Variants in RNF38 observed in about 807,000 individuals in gnomAD.
The protein encoded by RNF38 is E3 ubiquitin-protein ligase RNF38.
In RNF38, 15 loss-of-function variants were observed where a neutral mutation model predicts 67.2. The observed-to-expected ratio is 0.22, with a 90% CI of 0.15 to 0.34. RNF38 has a LOEUF of 0.34. Ranked by LOEUF, RNF38 falls within the 10% of genes least tolerant of loss-of-function variation. The pLI, the probability that RNF38 is intolerant of heterozygous loss-of-function variation, is 1.00. For synonymous variants in RNF38, 220 were observed against 218.8 expected (o/e 1.01, Z -0.05); for missense variants, 524 against 639.9 (o/e 0.82, Z 1.95).
intron 2 of RNF38, among the ~76,000 whole-genome samples, chr9:36,407,395 T>C (rs1838208506): frequency 6.6e-6 from 1 of 152,108 alleles, no homozygotes; most frequent in Non-Finnish European, 1.5e-5. Context: ...GGCAAGCTCA[T>C]GGTAGTGAAG....
chr9:36,451,930 T>C lies in RNF38; in HGVS notation n.242-27247A>G, dbSNP rs537952827. On this transcript the variant is annotated intron_variant and non_coding_transcript_variant, in intron 1 of 3. Coordinates refer to the RNF38 transcript ENST00000488058. ...GCAAACTTTTTTAAAAAAAAAACTTTTTAAGGCCAGGCGCGGTGGCTCACC... is the reference window on the plus strand; with the variant it reads ...GCAAACTTTTTTAAAAAAAAAACTTCTTAAGGCCAGGCGCGGTGGCTCACC... 5.9e-5 allele frequency among the ~76,000 whole-genome samples: 9 copies of C among 152,198 alleles called. No individual in the cohort carries two copies. In the East Asian group the frequency reaches 1.7e-3, roughly 29 times the overall value.
chr9:36,400,466 C>T, upstream of RNF38: 1 of 1,032,034 alleles, frequency 9.7e-7, no homozygotes, highest in Non-Finnish European at 1.2e-6. Flanking sequence ...AACCTTAGCC[C>T]AAGACTCGGG....
rs568278506 is a variant in RNF38, at chr9:36,376,790, G to A, written c.163-663C>T. ...AAAACACAAAAATTAGCTGGGCGTG[G>A]TGGCACATGCCTGTAATCCCAGCTA... is the stretch of plus-strand genomic sequence containing the variant. On this transcript the variant is annotated intron_variant, in intron 2 of 11. Transcript: ENST00000259605. Among the ~76,000 whole-genome samples, 19 of 152,126 alleles carry A rather than the reference G, an allele frequency of 1.2e-4. 1 individual carries two copies. The South Asian group carries it at 3.7e-3, about 30-fold the overall frequency.
intron 2 of RNF38, among the ~76,000 whole-genome samples, chr9:36,408,981 G>T (rs1838249358): frequency 2.0e-5 from 3 of 152,166 alleles, no homozygotes; most frequent in Admixed American, 1.3e-4. Flanking sequence ...GAAGTCAGGA[G>T]TTCGAGGCCA....
chr9:36,456,838 A>AT (rs905961961), intron 1 of RNF38, among the ~76,000 whole-genome samples: 3 of 152,146 alleles, frequency 2.0e-5, no homozygotes, highest in African/African-American at 7.2e-5. Flanking sequence ...TTAATGGTAG[A>AT]TATGTTTTAG....
chr9:36,384,476 A>G (rs1836447352), intron 2 of RNF38, among the ~76,000 whole-genome samples: 1 of 152,186 alleles, frequency 6.6e-6, no homozygotes, highest in Admixed American at 6.5e-5. Flanking sequence ...AACCTAAGAA[A>G]CACCAACATT....
intron 2 of RNF38, among the ~76,000 whole-genome samples, chr9:36,411,865 A>G (rs1838334804): frequency 6.6e-6 from 1 of 152,120 alleles, no homozygotes; most frequent in African/African-American, 2.4e-5. Flanking sequence ...CACCACGCTC[A>G]GCCTTACAAA....
chr9:36,395,830 A>G lies in RNF38; in HGVS notation c.12+4267T>C, dbSNP rs879569141. 2.6e-5 allele frequency among the ~76,000 whole-genome samples: 4 copies of G among 152,250 alleles called. No homozygotes were observed. The East Asian group carries it at 7.7e-4, about 29-fold the overall frequency. On this transcript the variant is annotated intron_variant, in intron 1 of 11. Transcript: ENST00000259605. ...AATGTTTAACAAATACTTGCTAAGTAAAATTACGGTACACTTGCTTGAACT... is the reference window on the plus strand; with the variant it reads ...AATGTTTAACAAATACTTGCTAAGTGAAATTACGGTACACTTGCTTGAACT...
At chr9:36,352,501 C>G (rs966483174) in intron 8 of RNF38, among the ~76,000 whole-genome samples, 1 of 152,076 alleles carries the variant, frequency 6.6e-6, no homozygotes, top group Non-Finnish European at 1.5e-5. Context: ...AAATCTTAAC[C>G]TTTTCTGCTT....
intron 2 of RNF38, among the ~76,000 whole-genome samples, chr9:36,419,262 T>G (rs1238128020): frequency 6.6e-6 from 1 of 152,186 alleles, no homozygotes; most frequent in Non-Finnish European, 1.5e-5. Context: ...ATATTGAACC[T>G]GTAAGTACAT....
At chr9:36,439,816 T>A (rs925117810) in intron 1 of RNF38, among the ~76,000 whole-genome samples, 1 of 148,850 alleles carries the variant, frequency 6.7e-6, no homozygotes, top group Non-Finnish European at 1.5e-5. Context: ...AAAAAACTTA[T>A]CAATAGAAAA....
Position 36,457,972 on chromosome 9 carries a change from T to C in RNF38, n.241+29336A>G, listed in dbSNP as rs377048606. Among the ~76,000 whole-genome samples, 20 of 152,214 alleles carry C rather than the reference T, an allele frequency of 1.3e-4. 1 individual carries two copies. In the East Asian group the frequency reaches 1.3e-3, roughly 10 times the overall value. ...AAGAGCCCTAGCTTTTATCAGATCC[T>C]CAAAAGAGAACCATCATGCCAAAAA... On this transcript the variant is annotated intron_variant and non_coding_transcript_variant, in intron 1 of 3. Coordinates refer to the RNF38 transcript ENST00000488058.
intron 1 of RNF38, among the ~76,000 whole-genome samples, chr9:36,487,096 G>T (rs1185538875): frequency 3.3e-5 from 5 of 152,186 alleles, no homozygotes; most frequent in African/African-American, 1.2e-4. Context: ...CACCCTGGGG[G>T]AGGGGGCTAC....
At chr9:36,392,713 T>C (rs768191220) in intron 1 of RNF38, among the ~76,000 whole-genome samples, 4 of 152,210 alleles carry the variant, frequency 2.6e-5, no homozygotes, top group African/African-American at 7.2e-5. Context: ...TACAGTGAGC[T>C]ATGACTGCAA....
At chr9:36,419,882 G>A (rs1838573775) in intron 2 of RNF38, among the ~76,000 whole-genome samples, 1 of 152,142 alleles carries the variant, frequency 6.6e-6, no homozygotes, top group Non-Finnish European at 1.5e-5. Context: ...GGGATGACTT[G>A]GCAAGGAGCC....
rs759974775 is a variant in RNF38 at position 36,365,662 on chromosome 9, G to GTTTTTTTT, written c.570+4049_570+4056dup. Among the ~76,000 whole-genome samples, 44 of 103,602 alleles carry GTTTTTTTT rather than the reference G, an allele frequency of 4.2e-4. 5 individuals are homozygous for GTTTTTTTT. Among genetic ancestry groups the GTTTTTTTT allele is most frequent in the African/African-American group, 1.2e-3 (30 of 25,852 alleles). 68.0% of individuals were successfully genotyped at this position (103,602 alleles called of 152,430 possible). A position where few individuals can be genotyped will look rare whatever the true frequency, so the allele number is the denominator to read the frequency against. ...TAAACCACTTTTGTTAAGACTGATA[G>GTTTTTTTT]TTTTTTTTTTTTTTTTTTTTTGAGA... On this transcript the variant is annotated intron_variant, in intron 4 of 11. Coordinates refer to ENST00000259605, the MANE Select transcript of RNF38 (RefSeq NM_022781.5).
chr9:36,455,123 G>A (rs572085179), intron 1 of RNF38, among the ~76,000 whole-genome samples: 1 of 148,020 alleles, frequency 6.8e-6, no homozygotes, highest in African/African-American at 2.5e-5. Flanking sequence ...GCGGTGGTGC[G>A]ATCTTGGCTC....
intron 1 of RNF38, among the ~76,000 whole-genome samples, chr9:36,448,082 G>A (rs183364905): frequency 2.1e-4 from 32 of 152,242 alleles, no homozygotes; most frequent in Admixed American, 2.0e-3. Flanking sequence ...GCACAAAAGG[G>A]GAGGTGACTT....
intron 3 of RNF38, 75 bp from the exon 4 acceptor site, chr9:36,370,007 A>G: frequency 2.5e-6 from 3 of 1,198,522 alleles, no homozygotes; most frequent in Non-Finnish European, 3.5e-6. Flanking sequence ...TTTCTTTGAT[A>G]TCTATCAATA....
Sources: allele counts gnomAD v4.1 joint callset (sites outside exome capture counted in the v4.1 genomes callset), GRCh38; gene constraint gnomAD v4.1.1; transcripts MANE v1.5; gene names NCBI Gene and HGNC (gene_info 2026-07-23, HGNC 2026-07-21).